The following CCDC14 variants were observed in gnomAD, a reference collection of about 807,000 sequenced individuals.
CCDC14 encodes the protein coiled-coil domain-containing protein 14.
A neutral mutation model predicts 81.4 loss-of-function variants in CCDC14; 71 were observed. The ratio of observed to expected loss-of-function variants is 0.87; its 90% CI spans 0.72 to 1.06. The LOEUF is 1.06. Ranked by LOEUF, CCDC14 falls within the 50% of genes least tolerant of loss-of-function variation. CCDC14 has a pLI of 0.00. For synonymous variants in CCDC14, 332 were observed against 364.8 expected (o/e 0.91, Z 1.03); for missense variants, 1,046 against 1,047.3 (o/e 1.00, Z 0.02).
At chr3:123,936,929 T>C (rs1044634121) in intron 9 of CCDC14, among the ~76,000 whole-genome samples, 3 of 152,130 alleles carry the variant, frequency 2.0e-5, no homozygotes, top group Admixed American at 6.6e-5. Context: ...CACTTATTTA[T>C]AGTTTGCATA....
Position 123,913,821 on chromosome 3 carries a change from T to C in CCDC14, c.*958A>G. 5 of 985,306 alleles carry C rather than the reference T, an allele frequency of 5.1e-6. No homozygotes were observed. The South Asian group carries it at 2.4e-4, about 46-fold the overall frequency. 61.0% of individuals were successfully genotyped at this position (985,306 alleles called of 1,614,324 possible). Reference sequence around the variant, plus strand: ...ACAAAGTATTAGTGATAACACAACATTCAGCTTCCTAAGAGTTAAAACGTG... The same window carrying C: ...ACAAAGTATTAGTGATAACACAACACTCAGCTTCCTAAGAGTTAAAACGTG... On this transcript the variant is annotated 3_prime_UTR_variant, in exon 13 of 13. Transcript: ENST00000409697.
chr3:123,944,985 A>G lies in CCDC14; in HGVS notation c.1207T>C (p.Ser403Pro). ...LKALVAEQED[S>P]EIQRLITEME... The stretch of plus-strand genomic sequence containing the variant: ...TCTGTAATCAACCTCTGAATTTCTG[A>G]ATCCTCTATAGAAGGCAACAGAAAT... Residue 403 changes from serine to proline, a missense_variant, in exon 9 of 13, where the codon TCA (serine) becomes CCA (proline). Transcript: ENST00000409697. 1 of 1,600,184 alleles carries G rather than the reference A, an allele frequency of 6.2e-7. No individual in the cohort carries two copies. The highest frequency in any genetic ancestry group is 1.1e-5 in the South Asian group (1 of 89,212).
downstream of CCDC14, among the ~76,000 whole-genome samples, chr3:123,911,517 G>T (rs568600867): frequency 2.0e-5 from 3 of 152,080 alleles, no homozygotes; most frequent in Non-Finnish European, 2.9e-5. Context: ...TTGAGAAGGG[G>T]CCTGTTATCC....
At chr3:123,951,848 C>T (rs1191472499) in intron 5 of CCDC14, among the ~76,000 whole-genome samples, 3 of 152,184 alleles carry the variant, frequency 2.0e-5, no homozygotes, top group African/African-American at 4.8e-5. Flanking sequence ...ACTAAAATGA[C>T]ATATTCTGCT....
chr3:123,931,453 C>T lies in CCDC14; in HGVS notation c.1500G>A (p.Leu500=). ...TTAACAGCTCTTCATTTTTACTCTG[C>T]AGTAATTCCTGGCTCTTTAGTGACT... The part of the protein sequence containing the change: ...LEESLKSQEL[L]QSKNEELLKV... Residue 500 remains leucine, a synonymous_variant, in exon 11 of 13, where the codon CTG becomes CTA. Coordinates refer to ENST00000409697, the MANE Select transcript of CCDC14 (RefSeq NM_001366335.1). 1 of 1,575,186 alleles carries T rather than the reference C, an allele frequency of 6.3e-7. No individual in the cohort carries two copies. Among genetic ancestry groups the T allele is most frequent in the Non-Finnish European group, 8.6e-7 (1 of 1,158,010 alleles).
chr3:123,905,141 T>C (rs1337405109), intron 5 of CCDC14, among the ~76,000 whole-genome samples: 1 of 152,062 alleles, frequency 6.6e-6, no homozygotes, highest in African/African-American at 2.4e-5. Flanking sequence ...GAACCCACCA[T>C]GGTAATGTTA....
intron 5 of CCDC14, among the ~76,000 whole-genome samples, chr3:123,950,221 A>G (rs1278445718): frequency 6.6e-6 from 1 of 152,216 alleles, no homozygotes; most frequent in Admixed American, 6.5e-5. Context: ...AAATATATGG[A>G]TATTTGTCAC....
At chr3:123,951,360 C>T (rs1455392911) in intron 5 of CCDC14, among the ~76,000 whole-genome samples, 1 of 152,066 alleles carries the variant, frequency 6.6e-6, no homozygotes, top group Non-Finnish European at 1.5e-5. Context: ...GAACATGTCC[C>T]CTCTGAGATG....
downstream of CCDC14, among the ~76,000 whole-genome samples, chr3:123,909,510 G>A (rs116116261): frequency 6.7e-3 from 1,020 of 152,310 alleles, 15 homozygotes; most frequent in African/African-American, 0.023. Flanking sequence ...CAAGTGACAG[G>A]TGGGGAAATT....
chr3:123,950,602 G>A (rs58785116), intron 5 of CCDC14, among the ~76,000 whole-genome samples: 17,072 of 152,024 alleles, frequency 0.11, 2,137 homozygotes, highest in East Asian at 0.42. Flanking sequence ...GGAAACAGAT[G>A]TCAGGAAAAT....
chr3:123,913,678 A>T lies in CCDC14; in HGVS notation c.*1101T>A. ...CGCTGTAGCACTAACACCTAAAAAA[A>T]AAAAAAAAACCACCAAAAAAACAAA... On this transcript the variant is annotated 3_prime_UTR_variant, in exon 13 of 13. Transcript: ENST00000409697. 1.0e-6 allele frequency: 1 copy of T among 984,488 alleles called. No homozygotes were observed. The highest frequency in any genetic ancestry group is 1.2e-6 in the Non-Finnish European group (1 of 829,550). 61.0% of individuals were successfully genotyped at this position (984,488 alleles called of 1,614,324 possible).
chr3:123,909,125 G>A (rs559141330), downstream of CCDC14, among the ~76,000 whole-genome samples: 2 of 151,778 alleles, frequency 1.3e-5, no homozygotes, highest in Non-Finnish European at 2.9e-5. Context: ...ATTTGAATCT[G>A]GTCTCTTACC....
intron 12 of CCDC14, among the ~76,000 whole-genome samples, chr3:123,925,576 C>T (rs957960241): frequency 6.6e-6 from 1 of 152,068 alleles, no homozygotes; most frequent in African/African-American, 2.4e-5. Context: ...GCTGGGATTA[C>T]AGGCACCTGC....
Position 123,915,304 on chromosome 3 carries a change from G to T in CCDC14, c.2193C>A (p.Tyr731Ter). 6.2e-7 allele frequency: 1 copy of T among 1,613,952 alleles called. No homozygotes were observed. The highest frequency in any genetic ancestry group is 1.1e-5 in the South Asian group (1 of 91,086). The part of the protein sequence containing the change: ...EDEHNLDNTI[Y>*]IPFARSTPEK... Reference sequence around the variant, plus strand: ...CAGGAGTGCTTCTAGCAAAAGGAATGTAAATTGTATTATCCAAATTATGCT... The same window carrying T: ...CAGGAGTGCTTCTAGCAAAAGGAATTTAAATTGTATTATCCAAATTATGCT... The change falls in exon 13 of 13, where the codon TAC becomes TAA. Residue 731 changes from tyrosine to a stop codon, truncating the protein, a stop_gained. Coordinates refer to ENST00000409697, the MANE Select transcript of CCDC14 (RefSeq NM_001366335.1). LOFTEE classifies it low-confidence loss of function (END_TRUNC).
In CCDC14 at chr3:123,947,158, G is replaced by A; in HGVS notation, c.846C>T (p.Gly282=). 1 of 1,613,886 alleles carries A rather than the reference G, an allele frequency of 6.2e-7. No individual in the cohort carries two copies. Among genetic ancestry groups the A allele is most frequent in the Non-Finnish European group, 8.5e-7 (1 of 1,179,870 alleles). ...ISAIPTLQQL[G]LVNGILPQQG... Reference sequence around the variant, plus strand: ...GTTGTGGCAGAATTCCATTAACAAGGCCCAGTTGCTGCAATGTTGGAATAG... The same window carrying A: ...GTTGTGGCAGAATTCCATTAACAAGACCCAGTTGCTGCAATGTTGGAATAG... Residue 282 remains glycine (G), a synonymous_variant, in exon 8 of 13, where the codon GGC becomes GGT. Coordinates refer to ENST00000409697, the MANE Select transcript of CCDC14 (RefSeq NM_001366335.1).
intron 5 of CCDC14, among the ~76,000 whole-genome samples, chr3:123,900,533 T>C (rs1488777872): frequency 6.6e-6 from 1 of 152,230 alleles, no homozygotes; most frequent in Non-Finnish European, 1.5e-5. Flanking sequence ...AGAGGGAGCC[T>C]TCAACTCAGT....
At position 123,931,413 on chromosome 3, in the gene CCDC14, G is replaced by A; in HGVS notation, c.1540C>T (p.Gln514Ter). ...CTAAATTTTTTGTTTTCATCTTTCT[G>A]ATTTTCAATCACTTTTAACAGCTCT... ...NEELLKVIEN[Q>*]KDENKKFSSI... Residue 514 changes from glutamine to a stop codon, truncating the protein, a stop_gained, in exon 11 of 13, where the codon CAG (glutamine) becomes TAG (stop). Transcript: ENST00000409697. LOFTEE classifies it high-confidence loss of function. 6.5e-7 allele frequency: 1 copy of A among 1,549,714 alleles called. No homozygotes were observed. Among genetic ancestry groups the A allele is most frequent in the South Asian group, 1.2e-5 (1 of 84,164 alleles).
chr3:123,922,701 A>G (rs1009265335), intron 12 of CCDC14, among the ~76,000 whole-genome samples: 1 of 152,192 alleles, frequency 6.6e-6, no homozygotes, highest in African/African-American at 2.4e-5. Flanking sequence ...GAGTAAGGAT[A>G]TTAAGTGTTC....
chr3:123,914,001 T>C lies in CCDC14; in HGVS notation c.*778A>G. 2 of 985,416 alleles carry C rather than the reference T, an allele frequency of 2.0e-6. No homozygotes were observed. The highest frequency in any genetic ancestry group is 2.4e-6 in the Non-Finnish European group (2 of 829,678). The allele number at this position is 985,416 out of a possible 1,614,324, so 61.0% of individuals were successfully genotyped here. ...TCCAAAAAGGCAGAATTACAATCAA[T>C]GCCAAGATTTACAAATTCCATCATG... On this transcript the variant is annotated 3_prime_UTR_variant, in exon 13 of 13. Coordinates refer to ENST00000409697, the MANE Select transcript of CCDC14 (RefSeq NM_001366335.1).
Sources: allele counts gnomAD v4.1 joint callset (sites outside exome capture counted in the v4.1 genomes callset), GRCh38; gene constraint gnomAD v4.1.1; transcripts MANE v1.5; gene names NCBI Gene and HGNC (gene_info 2026-07-23, HGNC 2026-07-21).